The following NKAIN3 variants were observed in gnomAD, a reference collection of about 807,000 sequenced individuals.
NKAIN3 encodes sodium/potassium transporting ATPase interacting 3.
Under a neutral mutation model 30.2 loss-of-function variants are expected in NKAIN3, and 25 were observed. That is an observed-to-expected ratio of 0.83 (90% CI 0.60 to 1.16). The LOEUF (loss-of-function observed/expected upper bound fraction) is 1.16, where lower values mean the gene tolerates loss of function less well. Ranked by LOEUF, NKAIN3 falls within the 50% of genes most tolerant of loss-of-function variation. The pLI, the probability that NKAIN3 is intolerant of heterozygous loss-of-function variation, is 0.00. For missense variants in NKAIN3, 225 were observed against 254.1 expected, an observed-to-expected ratio of 0.89 and a Z score of 0.78; for synonymous variants, 91 against 89.6, an observed-to-expected ratio of 1.02 and a Z score of -0.09.
chr8:62,673,153 G>T (rs994101969), intron 3 of NKAIN3, among the ~76,000 whole-genome samples: 6 of 152,170 alleles, frequency 3.9e-5, no homozygotes, highest in Non-Finnish European at 8.8e-5. Context: ...AGCGTCAGAG[G>T]TCTATGCATG....
chr8:62,642,643 C>T (rs2130304352), intron 3 of NKAIN3, among the ~76,000 whole-genome samples: 1 of 152,098 alleles, frequency 6.6e-6, no homozygotes, highest in East Asian at 1.9e-4. Context: ...ACTTAATTCA[C>T]ACCTTAATAA....
chr8:62,266,370 T>C (rs1812597402), intron 1 of NKAIN3, among the ~76,000 whole-genome samples: 1 of 152,224 alleles, frequency 6.6e-6, no homozygotes, highest in South Asian at 2.1e-4. Context: ...ATTACCATAT[T>C]AAAATAAATT....
chr8:62,730,365 A>G (rs1437699253), intron 3 of NKAIN3, among the ~76,000 whole-genome samples: 1 of 152,096 alleles, frequency 6.6e-6, no homozygotes, highest in East Asian at 1.9e-4. Context: ...AATTAAATGT[A>G]AATATGTTAA....
At chr8:62,588,624 T>C (rs1343437285) in intron 2 of NKAIN3, among the ~76,000 whole-genome samples, 1 of 151,812 alleles carries the variant, frequency 6.6e-6, no homozygotes, top group Non-Finnish European at 1.5e-5. Flanking sequence ...AGTCTAAATT[T>C]TATAATTCTA....
intron 6 of NKAIN3, among the ~76,000 whole-genome samples, chr8:62,962,329 A>T (rs1436061489): frequency 6.6e-6 from 1 of 152,232 alleles, no homozygotes; most frequent in Non-Finnish European, 1.5e-5. Flanking sequence ...TGCACTTCAT[A>T]GTGATGCTGC....
intron 1 of NKAIN3, among the ~76,000 whole-genome samples, chr8:62,357,143 G>T (rs1816388026): frequency 6.6e-6 from 1 of 151,770 alleles, no homozygotes; most frequent in Non-Finnish European, 1.5e-5. Flanking sequence ...GGCATTCCAG[G>T]ACCAGGTGCA....
In NKAIN3 at chr8:62,974,830, G is replaced by A. The variant is rs993440455; in HGVS notation, c.*9423G>A. Among the ~76,000 whole-genome samples the A allele has an allele frequency of 6.6e-6, 1 of 152,154 alleles. No homozygotes were observed. The highest frequency in any genetic ancestry group is 2.4e-5 in the African/African-American group (1 of 41,434). On this transcript the variant is annotated 3_prime_UTR_variant, in exon 7 of 7. Coordinates refer to ENST00000623646, the MANE Select transcript of NKAIN3 (RefSeq NM_001304533.3). Reference sequence around the variant, plus strand: ...AACAGCTCTTATTATTTTGAGATATGTTCCATCAATACCTAGTTTATTGAG... The same window carrying A: ...AACAGCTCTTATTATTTTGAGATATATTCCATCAATACCTAGTTTATTGAG...
intron 1 of NKAIN3, among the ~76,000 whole-genome samples, chr8:62,275,163 A>G (rs1293354988): frequency 2.0e-5 from 3 of 152,278 alleles, no homozygotes; most frequent in Admixed American, 6.5e-5. Context: ...TCCCTGAGGA[A>G]TCGCCACACT....
intron 1 of NKAIN3, among the ~76,000 whole-genome samples, chr8:62,278,554 G>A (rs1225676197): frequency 1.4e-5 from 2 of 146,650 alleles, no homozygotes; most frequent in South Asian, 2.3e-4. Context: ...ACAGGCCCCG[G>A]TGTGTGATGT....
chr8:62,508,235 T>C (rs1807705641), intron 1 of NKAIN3, among the ~76,000 whole-genome samples: 1 of 152,156 alleles, frequency 6.6e-6, no homozygotes, highest in Non-Finnish European at 1.5e-5. Context: ...AGGCAATCCC[T>C]TCACGTGATG....
At chr8:62,604,903 G>A (rs1038468012) in intron 3 of NKAIN3, among the ~76,000 whole-genome samples, 7 of 152,006 alleles carry the variant, frequency 4.6e-5, no homozygotes, top group Non-Finnish European at 1.0e-4. Context: ...TCTGGTTATC[G>A]TCCATAATCT....
chr8:62,296,983 A>G (rs1813851095), intron 1 of NKAIN3, among the ~76,000 whole-genome samples: 2 of 152,152 alleles, frequency 1.3e-5, no homozygotes, highest in African/African-American at 4.8e-5. Flanking sequence ...TTCCTGAGCC[A>G]TGACCAAGTC....
chr8:62,425,158 A>G (rs1167552050), intron 1 of NKAIN3, among the ~76,000 whole-genome samples: 2 of 151,916 alleles, frequency 1.3e-5, no homozygotes, highest in East Asian at 3.9e-4. Context: ...GCTATTCAAC[A>G]GGTATAAAGT....
At position 62,716,743 on chromosome 8, in the gene NKAIN3, GA is replaced by G. The variant is rs1182153747; in HGVS notation, c.274-30178del. ...GACCTGGAAACTGGAATTCTGAGAA[GA>G]AAAAAAAAAACAAACAAAACAAAAC... On this transcript the variant is annotated intron_variant, in intron 3 of 6. Transcript: ENST00000623646. 2.5e-3 allele frequency among the ~76,000 whole-genome samples: 356 copies of G among 141,216 alleles called. 6 individuals are homozygous for G. Among genetic ancestry groups the G allele is most frequent in the Admixed American group, 0.02 (279 of 14,096 alleles). The allele number at this position is 141,216 out of a possible 152,430, so 92.6% of individuals were successfully genotyped here.
chr8:62,488,917 T>C (rs918400808), intron 1 of NKAIN3, among the ~76,000 whole-genome samples: 4 of 152,180 alleles, frequency 2.6e-5, no homozygotes, highest in Non-Finnish European at 5.9e-5. Flanking sequence ...CCCTGGTAAT[T>C]ATAGCTTCCA....
intron 1 of NKAIN3, among the ~76,000 whole-genome samples, chr8:62,530,476 TG>T (rs1313359535): frequency 1.3e-5 from 2 of 152,158 alleles, no homozygotes; most frequent in African/African-American, 4.8e-5. Flanking sequence ...TTCTTGGATA[TG>T]TGGGATTACT....
intron 3 of NKAIN3, among the ~76,000 whole-genome samples, chr8:62,743,195 T>A (rs1481108490): frequency 1.3e-5 from 2 of 152,198 alleles, no homozygotes; most frequent in Non-Finnish European, 2.9e-5. Flanking sequence ...AACAATAAAG[T>A]GATTTGTGTT....
At chr8:62,471,783 A>C (rs1806357191) in intron 1 of NKAIN3, among the ~76,000 whole-genome samples, 1 of 152,094 alleles carries the variant, frequency 6.6e-6, no homozygotes. Flanking sequence ...ACCTCCACAA[A>C]AATTAAAGAA....
intron 1 of NKAIN3, among the ~76,000 whole-genome samples, chr8:62,536,487 C>T (rs1808667288): frequency 6.6e-6 from 1 of 151,914 alleles, no homozygotes; most frequent in Non-Finnish European, 1.5e-5. Context: ...ATTACATTTG[C>T]TCTAAGATAT....
Sources: gnomAD v4.1 joint callset for allele counts (sites outside exome capture counted in the v4.1 genomes callset) on GRCh38, gnomAD v4.1.1 for gene constraint, MANE v1.5 for transcripts, NCBI Gene and HGNC (gene_info 2026-07-23, HGNC 2026-07-21) for gene names.